ADORA2B: variants seen among roughly 807,000 people sequenced by gnomAD.
The protein encoded by ADORA2B is adenosine receptor A2b.
ADORA2B carries 18 observed loss-of-function variants against 20.8 expected under a neutral mutation model. The observed-to-expected ratio is 0.87, with a 90% CI of 0.60 to 1.29. ADORA2B has a LOEUF of 1.29. ADORA2B is among the 50% of genes most tolerant of loss of function. The pLI, the probability that ADORA2B is intolerant of heterozygous loss-of-function variation, is 0.00. For missense variants in ADORA2B, 441 were observed against 422.7 expected, an observed-to-expected ratio of 1.04 and a Z score of -0.38; for synonymous variants, 179 against 178.3, an observed-to-expected ratio of 1.00 and a Z score of -0.03.
At chr17:15,867,883 C>T in the ADORA2B span, among the ~76,000 whole-genome samples, 1 of 152,070 alleles carries the variant, frequency 6.6e-6, no homozygotes, top group African/African-American at 2.4e-5. Flanking sequence ...CTCAACAGCT[C>T]ATTGAGAACG....
upstream of ADORA2B, among the ~76,000 whole-genome samples, chr17:15,940,141 A>G (rs898960480): frequency 6.6e-6 from 1 of 152,244 alleles, no homozygotes; most frequent in Non-Finnish European, 1.5e-5. Flanking sequence ...CCTAGGAAAG[A>G]CAGTACAGAA....
At position 15,974,812 on chromosome 17, in the gene ADORA2B, C is replaced by A; in HGVS notation, c.469C>A (p.Pro157Thr). ...CAGTGCCACCAACAACTGCACAGAA[C>A]CCTGGGATGGAACCACGAATGAAAG... ...KDSATNNCTE[P>T]WDGTTNESCC... Residue 157 changes from proline (P) to threonine (T), a missense_variant, in exon 2 of 2, where the codon CCC becomes ACC. Transcript: ENST00000304222. The A allele has an allele frequency of 6.2e-7, 1 of 1,614,142 alleles. No homozygotes were observed. Among genetic ancestry groups the A allele is most frequent in the African/African-American group, 1.3e-5 (1 of 75,028 alleles).
chr17:15,969,749 C>A (rs1191340913), intron 1 of ADORA2B, among the ~76,000 whole-genome samples: 1 of 152,230 alleles, frequency 6.6e-6, no homozygotes, highest in Non-Finnish European at 1.5e-5. Context: ...TGTCTCGAGT[C>A]AACTACCGAA....
intron 1 of ADORA2B, among the ~76,000 whole-genome samples, chr17:15,971,353 A>T (rs1026246757): frequency 1.2e-4 from 19 of 152,240 alleles, no homozygotes; most frequent in Non-Finnish European, 2.6e-4. Flanking sequence ...AAACAGATGA[A>T]TTCACTGGCC....
the ADORA2B span, among the ~76,000 whole-genome samples, chr17:15,869,874 A>G: frequency 1.3e-5 from 2 of 152,254 alleles, no homozygotes; most frequent in African/African-American, 2.4e-5. Context: ...GTTATAACTC[A>G]GAATTTTCTC....
chr17:15,917,876 G>A, the ADORA2B span, among the ~76,000 whole-genome samples: 2 of 152,236 alleles, frequency 1.3e-5, no homozygotes, highest in Non-Finnish European at 2.9e-5. Context: ...AACTTCGCCT[G>A]TCCAGGCGAG....
the ADORA2B span, among the ~76,000 whole-genome samples, chr17:15,871,750 G>A: frequency 1.3e-5 from 2 of 152,096 alleles, no homozygotes; most frequent in Non-Finnish European, 2.9e-5. Flanking sequence ...GGAATTAAAC[G>A]TGCCCGTGAC....
At chr17:15,944,043 G>A (rs572561193), upstream of ADORA2B, among the ~76,000 whole-genome samples, 5 of 152,220 alleles carry the variant, frequency 3.3e-5, no homozygotes, top group African/African-American at 1.2e-4. The surrounding 1 kb of genome is among the most constrained non-coding windows in gnomAD (Gnocchi z 4.8). Flanking sequence ...GACTTTGGGG[G>A]TAAAAGGAAG....
the ADORA2B span, among the ~76,000 whole-genome samples, chr17:15,888,772 G>A: frequency 2.3e-5 from 2 of 85,888 alleles, 1 homozygote; most frequent in Non-Finnish European, 4.1e-5. Flanking sequence ...ATTTATTCAT[G>A]ACTTTGGAAT....
the ADORA2B span, among the ~76,000 whole-genome samples, chr17:15,866,645 C>T: frequency 6.6e-6 from 1 of 151,950 alleles, no homozygotes; most frequent in South Asian, 2.1e-4. Flanking sequence ...ATGGCAAATA[C>T]CTTCTTCCAG....
At chr17:15,867,615 G>A in the ADORA2B span, among the ~76,000 whole-genome samples, 123 of 149,796 alleles carry the variant, frequency 8.2e-4, no homozygotes, top group African/African-American at 3.0e-3. Context: ...CGTCGGGAAG[G>A]GAGGCGGGGG....
the ADORA2B span, among the ~76,000 whole-genome samples, chr17:15,911,166 G>A: frequency 1.3e-5 from 2 of 152,162 alleles, no homozygotes; most frequent in African/African-American, 4.8e-5. Flanking sequence ...TATCACCCGC[G>A]CCTTTGTTTT....
Position 15,949,164 on chromosome 17 carries a change from C to T in ADORA2B, c.335+3581C>T, listed in dbSNP as rs368164160. Among the ~76,000 whole-genome samples, 47 of 148,974 alleles carry T rather than the reference C, an allele frequency of 3.2e-4. 1 individual carries two copies. Among genetic ancestry groups the T allele is most frequent in the South Asian group, 6.3e-4 (3 of 4,730 alleles). On this transcript the variant is annotated intron_variant, in intron 1 of 1. Transcript: ENST00000304222. The stretch of plus-strand genomic sequence containing the variant: ...CAGAGGTTGCAGTGAGCCAAGATCA[C>T]GCCATTGCACTCCACCTTGGGCAAC...
At chr17:15,850,381 C>T in the ADORA2B span, 1 of 152,314 alleles carries the variant, frequency 6.6e-6, no homozygotes, top group African/African-American at 2.4e-5. Flanking sequence ...GGACTGGCCT[C>T]CACTCAGCTA....
chr17:15,969,924 C>T (rs1034388040), intron 1 of ADORA2B, among the ~76,000 whole-genome samples: 4 of 152,210 alleles, frequency 2.6e-5, no homozygotes, highest in African/African-American at 9.7e-5. Flanking sequence ...TCATCTTGGG[C>T]TCATTTTCCT....
chr17:15,899,939 C>T, the ADORA2B span, among the ~76,000 whole-genome samples: 1 of 151,806 alleles, frequency 6.6e-6, no homozygotes, highest in African/African-American at 2.4e-5. Flanking sequence ...TCAAGTGATT[C>T]TTCTGCCTCA....
intron 1 of ADORA2B, among the ~76,000 whole-genome samples, chr17:15,971,635 T>TTC (rs936001004): frequency 6.6e-6 from 1 of 150,784 alleles, no homozygotes; most frequent in African/African-American, 2.4e-5. Context: ...GGCCATTTTT[T>TTC]TTTTTTTTTT....
At position 15,968,774 on chromosome 17, in the gene ADORA2B, C is replaced by G. The variant is rs532896504; in HGVS notation, c.336-5905C>G. 2.0e-5 allele frequency among the ~76,000 whole-genome samples: 3 copies of G among 152,276 alleles called. No individual in the cohort carries two copies. The South Asian group carries it at 6.2e-4, about 32-fold the overall frequency. On this transcript the variant is annotated intron_variant, in intron 1 of 1. Transcript: ENST00000304222. ...CACGTCTGTAAACTGAGGATAGCAG[C>G]TCTCACCTCAGGAGGCGTGGTTTGA... is the stretch of plus-strand genomic sequence containing the variant.
At chr17:15,908,035 T>C in the ADORA2B span, among the ~76,000 whole-genome samples, 4 of 152,148 alleles carry the variant, frequency 2.6e-5, no homozygotes, top group African/African-American at 9.7e-5. Context: ...TGGATCAAAA[T>C]GTAATTTAAA....
Sources: gnomAD v4.1 joint callset for allele counts (sites outside exome capture counted in the v4.1 genomes callset) on GRCh38, gnomAD v4.1.1 for gene constraint, Gnocchi (gnomAD v3.1) non-coding constraint, MANE v1.5 for transcripts, NCBI Gene and HGNC (gene_info 2026-07-23, HGNC 2026-07-21) for gene names.